GPC5: variants seen among roughly 807,000 people sequenced by gnomAD.
GPC5 encodes glypican 5, also known as glypican-5.
A neutral mutation model predicts 53.9 loss-of-function variants in GPC5; 47 were observed. The observed-to-expected ratio is 0.87, with a 90% CI of 0.69 to 1.11. The LOEUF (loss-of-function observed/expected upper bound fraction) is 1.11, where lower values mean the gene tolerates loss of function less well. GPC5 is among the 50% of genes most tolerant of loss of function. The pLI, the probability that GPC5 is intolerant of heterozygous loss-of-function variation, is 0.00. For synonymous variants in GPC5, 286 were observed against 263.3 expected, an observed-to-expected ratio of 1.09 and a Z score of -0.84; for missense variants, 748 against 713.1, an observed-to-expected ratio of 1.05 and a Z score of -0.56.
intron 6 of GPC5, among the ~76,000 whole-genome samples, chr13:92,025,238 T>C (rs753852346): frequency 6.6e-6 from 1 of 151,856 alleles, no homozygotes; most frequent in Non-Finnish European, 1.5e-5. Context: ...CAATTTATAG[T>C]TGGACAGCTT....
chr13:91,625,736 G>A (rs116042549), intron 2 of GPC5, among the ~76,000 whole-genome samples: 3,780 of 151,992 alleles, frequency 0.025, 147 homozygotes, highest in African/African-American at 0.085. Context: ...CGTTATTTAG[G>A]GAGAATGAAT....
chr13:91,933,883 T>G (rs932437563), intron 6 of GPC5, among the ~76,000 whole-genome samples: 1 of 151,930 alleles, frequency 6.6e-6, no homozygotes, highest in African/African-American at 2.4e-5. Flanking sequence ...TTGATCAATT[T>G]TGTTATATTA....
At chr13:91,880,791 T>TTTTG (rs202041740) in intron 5 of GPC5, among the ~76,000 whole-genome samples, 2,327 of 152,080 alleles carry the variant, frequency 0.015, 61 homozygotes, top group African/African-American at 0.053. Context: ...GTTTGGGGTT[T>TTTTG]TTTGTTTGTT....
intron 2 of GPC5, among the ~76,000 whole-genome samples, chr13:91,666,306 A>G (rs2035110835): frequency 6.6e-6 from 1 of 152,198 alleles, no homozygotes; most frequent in Admixed American, 6.5e-5. Flanking sequence ...TCCAACTTCA[A>G]TACATATAAG....
chr13:91,972,813 G>T (rs2040256998), intron 6 of GPC5, among the ~76,000 whole-genome samples: 1 of 152,168 alleles, frequency 6.6e-6, no homozygotes, highest in Admixed American at 6.5e-5. Flanking sequence ...CTTCTGGCTT[G>T]TAGAGTTTCT....
At chr13:91,540,869 G>C (rs2029887844) in intron 2 of GPC5, among the ~76,000 whole-genome samples, 1 of 151,520 alleles carries the variant, frequency 6.6e-6, no homozygotes, top group Non-Finnish European at 1.5e-5. Context: ...CAGAGTCCAT[G>C]ATAAGGATAA....
At chr13:91,451,797 T>C (rs1881196647) in intron 2 of GPC5, among the ~76,000 whole-genome samples, 1 of 151,474 alleles carries the variant, frequency 6.6e-6, no homozygotes, top group South Asian at 2.1e-4. Context: ...TTTGTATTTT[T>C]AGTAGAGACG....
chr13:91,528,827 T>C (rs1304296245), intron 2 of GPC5, among the ~76,000 whole-genome samples: 1 of 152,180 alleles, frequency 6.6e-6, no homozygotes, highest in Non-Finnish European at 1.5e-5. Flanking sequence ...ACATCTTACA[T>C]GGCAGCAGAG....
At chr13:92,696,475 G>A (rs1887560819) in intron 7 of GPC5, among the ~76,000 whole-genome samples, 1 of 152,086 alleles carries the variant, frequency 6.6e-6, no homozygotes, top group Non-Finnish European at 1.5e-5. Flanking sequence ...AAATATGTTA[G>A]TTGGCTGCAT....
chr13:91,621,225 T>C (rs1419158171), intron 2 of GPC5, among the ~76,000 whole-genome samples: 1 of 152,174 alleles, frequency 6.6e-6, no homozygotes, highest in African/African-American at 2.4e-5. Context: ...TGTATTTTTT[T>C]CTGCTTTCTT....
At chr13:91,619,229 T>C (rs1419008171) in intron 2 of GPC5, among the ~76,000 whole-genome samples, 1 of 152,082 alleles carries the variant, frequency 6.6e-6, no homozygotes, top group Non-Finnish European at 1.5e-5. Context: ...TTAGAAAAGG[T>C]TAATTACCTT....
At chr13:92,698,367 C>T (rs1436650724) in intron 7 of GPC5, among the ~76,000 whole-genome samples, 2 of 151,842 alleles carry the variant, frequency 1.3e-5, no homozygotes, top group Non-Finnish European at 2.9e-5. Context: ...CTTCCTGTGT[C>T]CATGTGTTCT....
intron 7 of GPC5, among the ~76,000 whole-genome samples, chr13:92,657,454 T>C (rs766069717): frequency 4.6e-5 from 7 of 152,012 alleles, no homozygotes; most frequent in Non-Finnish European, 1.0e-4. Context: ...GATCCCAGGG[T>C]GCAAGAATAA....
chr13:92,419,252 CGCA>C (rs1276608724), intron 7 of GPC5, among the ~76,000 whole-genome samples: 1 of 152,066 alleles, frequency 6.6e-6, no homozygotes, highest in Non-Finnish European at 1.5e-5. Context: ...TTCATTAGAC[CGCA>C]GCAGCTACAG....
intron 5 of GPC5, among the ~76,000 whole-genome samples, chr13:91,853,730 T>A (rs1011431435): frequency 7.9e-5 from 12 of 152,014 alleles, no homozygotes; most frequent in African/African-American, 2.9e-4. Context: ...TTATTTAAAG[T>A]GTCCTGATAT....
intron 7 of GPC5, among the ~76,000 whole-genome samples, chr13:92,613,362 TATTTATATATAA>T (rs1884518872): frequency 2.2e-5 from 2 of 89,774 alleles, no homozygotes; most frequent in Non-Finnish European, 4.0e-5. Flanking sequence ...ATATATAATA[TATTTATATATAA>T]ATATATTATA....
intron 4 of GPC5, among the ~76,000 whole-genome samples, chr13:91,729,917 T>C (rs1217402197): frequency 1.3e-5 from 2 of 152,208 alleles, no homozygotes; most frequent in Non-Finnish European, 2.9e-5. Flanking sequence ...AGGTGAAATG[T>C]TACAAACTGG....
intron 7 of GPC5, among the ~76,000 whole-genome samples, chr13:92,612,773 G>C (rs570004430): frequency 2.6e-5 from 4 of 152,104 alleles, no homozygotes; most frequent in East Asian, 3.9e-4. Flanking sequence ...ATTATGACAG[G>C]AACAGGGTTA....
At chr13:91,414,677 T>C (rs1878053187) in intron 1 of GPC5, among the ~76,000 whole-genome samples, 2 of 152,156 alleles carry the variant, frequency 1.3e-5, no homozygotes, top group African/African-American at 4.8e-5. Flanking sequence ...TTTTGCATAG[T>C]TTTTTCTGCT....
Sources: allele counts gnomAD v4.1 joint callset (sites outside exome capture counted in the v4.1 genomes callset), GRCh38; gene constraint gnomAD v4.1.1; transcripts MANE v1.5; gene names NCBI Gene and HGNC (gene_info 2026-07-23, HGNC 2026-07-21).